PARD3: variants seen among roughly 807,000 people sequenced by gnomAD.
PARD3 encodes the protein partitioning defective 3 homolog.
In PARD3, 75 loss-of-function variants were observed where a neutral mutation model predicts 155.4. The observed-to-expected ratio is 0.48, with a 90% CI of 0.40 to 0.58. The LOEUF (loss-of-function observed/expected upper bound fraction) is 0.58, where lower values mean the gene tolerates loss of function less well. Among genes scored for constraint, PARD3 ranks in the 20% least tolerant of loss-of-function variants. PARD3 has a pLI of 0.00. For synonymous variants in PARD3, 576 were observed against 610.5 expected (o/e 0.94, Z 0.83); for missense variants, 1,642 against 1,721.7 (o/e 0.95, Z 0.82).
intron 2 of PARD3, among the ~76,000 whole-genome samples, chr10:34,663,405 G>A (rs1325186315): frequency 2.0e-5 from 3 of 152,174 alleles, no homozygotes; most frequent in Non-Finnish European, 4.4e-5. Flanking sequence ...GGCGGAGATT[G>A]CAGTGAGAGG....
chr10:34,769,958 G>A (rs188687660), intron 1 of PARD3, among the ~76,000 whole-genome samples: 30 of 152,112 alleles, frequency 2.0e-4, no homozygotes, highest in Admixed American at 6.5e-4. Flanking sequence ...CCCTTCTCTA[G>A]TACACCCTTA....
At chr10:34,279,133 AT>A (rs963616940) in intron 21 of PARD3, among the ~76,000 whole-genome samples, 2 of 104,362 alleles carry the variant, frequency 1.9e-5, no homozygotes, top group Non-Finnish European at 3.7e-5. Context: ...ATTCATCTAT[AT>A]TTTTTCCTTT....
chr10:34,142,810 T>C (rs79015143), intron 22 of PARD3, among the ~76,000 whole-genome samples: 3,092 of 152,288 alleles, frequency 0.02, 105 homozygotes, highest in African/African-American at 0.071. Context: ...GGGATTCTAA[T>C]AGGTTAGAGA....
intron 1 of PARD3, among the ~76,000 whole-genome samples, chr10:34,712,570 T>C (rs1453616687): frequency 6.6e-6 from 1 of 152,180 alleles, no homozygotes; most frequent in East Asian, 1.9e-4. Context: ...CCACATAATG[T>C]CACAGTCAAG....
chr10:34,343,501 T>C, intron 15 of PARD3: 3 of 984,946 alleles, frequency 3.0e-6, no homozygotes, highest in Non-Finnish European at 3.6e-6. Flanking sequence ...GAAAATAATT[T>C]AGCATTTTTT....
chr10:34,399,388 G>C lies in PARD3; in HGVS notation c.832C>G (p.Pro278Ala). 1 of 1,611,036 alleles carries C rather than the reference G, an allele frequency of 6.2e-7. No homozygotes were observed. The highest frequency in any genetic ancestry group is 1.3e-5 in the African/African-American group (1 of 74,924). The change falls in exon 7 of 25, where the codon CCC becomes GCC. Residue 278 changes from proline (P) to alanine (A), a missense_variant. Around this residue, in one of 3 missense-constraint regions of PARD3, gnomAD observed 1,529 missense variants for 1,587.3 expected, o/e 0.96. Transcript: ENST00000374788. ...LDDMVKLVEV[P>A]NDGGPLGIHV... ...ATTCCCAGAGGCCCTCCATCGTTGG[G>C]GACTTCTACGAGCTTTACCATATCA...
At chr10:34,379,599 T>A (rs1341462509) in intron 9 of PARD3, among the ~76,000 whole-genome samples, 1 of 152,130 alleles carries the variant, frequency 6.6e-6, no homozygotes, top group African/African-American at 2.4e-5. Context: ...CTGACTGTTG[T>A]AGGAACCTCA....
At position 34,177,692 on chromosome 10, in the gene PARD3, G is replaced by A. The variant is rs543717751; in HGVS notation, c.3420-46109C>T. ...GCTGCCTCGTTTTAGTAGAATGCAT[G>A]ATCAAGGAGTTCTCTTGAAAGGGCA... On this transcript the variant is annotated intron_variant, in intron 22 of 24. Transcript: ENST00000374788. 2.6e-5 allele frequency among the ~76,000 whole-genome samples: 4 copies of A among 152,292 alleles called. No homozygotes were observed. The South Asian group carries it at 6.2e-4, about 24-fold the overall frequency.
At chr10:34,644,949 G>A (rs1329903939) in intron 2 of PARD3, among the ~76,000 whole-genome samples, 1 of 152,090 alleles carries the variant, frequency 6.6e-6, no homozygotes, top group African/African-American at 2.4e-5. Flanking sequence ...GAACTCCTGG[G>A]CTCAAGCAAT....
chr10:34,762,812 G>C (rs531588988), intron 1 of PARD3, among the ~76,000 whole-genome samples: 1 of 152,076 alleles, frequency 6.6e-6, no homozygotes, highest in Non-Finnish European at 1.5e-5. Context: ...TGACTTCTAG[G>C]GTTCCCACAT....
rs550716743 is a variant in PARD3, at chr10:34,202,925, G to T, written c.3419+66732C>A. On this transcript the variant is annotated intron_variant, in intron 22 of 24. Transcript: ENST00000374788. ...TCAGTGACAATGGCTGTACTGAGCT[G>T]GCTGTGATTGAGAAGCAGCCACAAT... 1.1e-3 allele frequency among the ~76,000 whole-genome samples: 164 copies of T among 152,284 alleles called. 2 individuals carry two copies. Among genetic ancestry groups the T allele is most frequent in the African/African-American group, 3.9e-3 (163 of 41,560 alleles).
intron 2 of PARD3, among the ~76,000 whole-genome samples, chr10:34,535,934 G>A (rs1469945417): frequency 6.6e-6 from 1 of 152,072 alleles, no homozygotes; most frequent in Non-Finnish European, 1.5e-5. Context: ...TAAACTTACT[G>A]GACAAACACC....
At chr10:34,519,616 C>T (rs1300436821) in intron 2 of PARD3, among the ~76,000 whole-genome samples, 2 of 152,014 alleles carry the variant, frequency 1.3e-5, no homozygotes, top group African/African-American at 4.8e-5. Flanking sequence ...GAGTTCAAGA[C>T]CAGCCTGGCC....
intron 16 of PARD3, among the ~76,000 whole-genome samples, chr10:34,338,716 T>C (rs1047618594): frequency 6.6e-5 from 10 of 152,216 alleles, no homozygotes; most frequent in African/African-American, 9.6e-5. Context: ...TAAAGAGCTA[T>C]GGTAAAAGTT....
At chr10:34,417,778 G>A (rs181692288) in intron 5 of PARD3, among the ~76,000 whole-genome samples, 2 of 152,222 alleles carry the variant, frequency 1.3e-5, no homozygotes, top group Non-Finnish European at 2.9e-5. Context: ...GTGGTACAAA[G>A]AGAAATACCC....
chr10:34,744,855 C>A lies in PARD3; in HGVS notation c.121-48436G>T, dbSNP rs141518692. On this transcript the variant is annotated intron_variant, in intron 1 of 24. Transcript: ENST00000374788. ...GTCTGATAAGAGGGGAGATTAGAAACCTTCTCTCCAGATGGTCATCACAAT... is the reference window on the plus strand; with the variant it reads ...GTCTGATAAGAGGGGAGATTAGAAAACTTCTCTCCAGATGGTCATCACAAT... Among the ~76,000 whole-genome samples the A allele has an allele frequency of 7.2e-3, 1,095 of 152,232 alleles. 11 individuals are homozygous for A. The highest frequency in any genetic ancestry group is 0.024 in the African/African-American group (996 of 41,522).
chr10:34,607,129 T>C (rs1371717427), intron 2 of PARD3, among the ~76,000 whole-genome samples: 2 of 152,246 alleles, frequency 1.3e-5, no homozygotes, highest in South Asian at 2.1e-4. Flanking sequence ...CCTGGAAAAC[T>C]AGTACCAAGT....
intron 18 of PARD3, among the ~76,000 whole-genome samples, chr10:34,333,077 T>C (rs1835787558): frequency 6.6e-6 from 1 of 152,160 alleles, no homozygotes; most frequent in South Asian, 2.1e-4. Context: ...CCAGCTATAT[T>C]TGGCTTCCAT....
chr10:34,179,250 C>T lies in PARD3; in HGVS notation c.3420-47667G>A, dbSNP rs569910363. Among the ~76,000 whole-genome samples, 18 of 152,064 alleles carry T rather than the reference C, an allele frequency of 1.2e-4. No individual in the cohort carries two copies. In the South Asian group the frequency reaches 3.7e-3, roughly 32 times the overall value. ...TAAATTTATTGCAGGTCACAGAGGC[C>T]CTAAGTGGAGGTATCTATAACTAGC... On this transcript the variant is annotated intron_variant, in intron 22 of 24. Transcript: ENST00000374788.
Sources: allele counts gnomAD v4.1 joint callset (sites outside exome capture counted in the v4.1 genomes callset), GRCh38; gene constraint gnomAD v4.1.1; regional missense constraint gnomAD v4.1.1; transcripts MANE v1.5; gene names NCBI Gene and HGNC (gene_info 2026-07-23, HGNC 2026-07-21).